The following SLC7A7 variants were observed in gnomAD, a reference collection of about 807,000 sequenced individuals.
SLC7A7 encodes the protein solute carrier family 7 member 7, also known as Y+L amino acid transporter 1.
Under a neutral mutation model 47.9 loss-of-function variants are expected in SLC7A7, and 39 were observed. The observed-to-expected ratio is 0.81, with a 90% CI of 0.63 to 1.06. The LOEUF (loss-of-function observed/expected upper bound fraction) is 1.06, where lower values mean the gene tolerates loss of function less well. Ranked by LOEUF, SLC7A7 falls within the 50% of genes least tolerant of loss-of-function variation. The probability of loss-of-function intolerance (pLI) is 0.00; values close to 1 mark genes in which losing one functional copy is unlikely to be tolerated. For missense variants in SLC7A7, 588 were observed against 632.0 expected, an observed-to-expected ratio of 0.93 and a Z score of 0.75; for synonymous variants, 234 against 242.8, an observed-to-expected ratio of 0.96 and a Z score of 0.34.
rs571065225 is a variant in SLC7A7 at position 22,792,922 on chromosome 14, T to G, written c.500-12871A>C. 6.7e-5 allele frequency among the ~76,000 whole-genome samples: 10 copies of G among 148,638 alleles called. No individual in the cohort carries two copies. In the South Asian group the frequency reaches 1.7e-3, roughly 25 times the overall value. On this transcript the variant is annotated intron_variant, in intron 2 of 9. Coordinates refer to ENST00000674313, the MANE Select transcript of SLC7A7 (RefSeq NM_003982.4). ...AAGGAAAAGAAAAGAAAAATATCTTTTTTTTTTTTTTAAAGACAGAGTCTC... is the reference window on the plus strand; with the variant it reads ...AAGGAAAAGAAAAGAAAAATATCTTGTTTTTTTTTTTAAAGACAGAGTCTC...
chr14:22,776,274 A>G lies in SLC7A7; in HGVS notation c.815T>C (p.Ile272Thr), dbSNP rs887657073. Reference protein sequence around the residue: ...SIGISMPIVTIIYILTNVAYY... With the variant: ...SIGISMPIVTTIYILTNVAYY... ...GGCCACATTGGTCAAGATATAGATG[A>G]TGGTGACAATGGGCATGGAGATGCC... The change falls in exon 5 of 10, where the codon ATC (isoleucine) becomes ACC (threonine). Residue 272 changes from isoleucine to threonine, a missense_variant. Ile to Thr is a moderately conservative substitution (Grantham distance 89). Transcript: ENST00000674313. The G allele has an allele frequency of 1.9e-6, 3 of 1,614,224 alleles. No homozygotes were observed. The highest frequency in any genetic ancestry group is 1.7e-5 in the Admixed American group (1 of 60,028).
At chr14:22,811,452 T>C (rs936484621) in intron 2 of SLC7A7, among the ~76,000 whole-genome samples, 10 of 152,172 alleles carry the variant, frequency 6.6e-5, no homozygotes, top group Non-Finnish European at 1.5e-4. Flanking sequence ...AGAATCATCA[T>C]CTCAGCACCT....
chr14:22,779,454 C>T (rs1023438764), intron 3 of SLC7A7, among the ~76,000 whole-genome samples: 3 of 136,324 alleles, frequency 2.2e-5, no homozygotes, highest in Non-Finnish European at 3.2e-5. Context: ...ATATTTAATT[C>T]TTTTTTTTTT....
At chr14:22,808,219 C>G (rs567219791) in intron 2 of SLC7A7, among the ~76,000 whole-genome samples, 6 of 151,650 alleles carry the variant, frequency 4.0e-5, no homozygotes, top group South Asian at 2.1e-4. Flanking sequence ...TATCAGTGTA[C>G]AAATTATATT....
chr14:22,785,589 G>T (rs183430984), intron 2 of SLC7A7, among the ~76,000 whole-genome samples: 25 of 152,124 alleles, frequency 1.6e-4, no homozygotes, highest in Admixed American at 3.9e-4. Flanking sequence ...TTGGCCAGGC[G>T]TGGTGGCACA....
chr14:22,792,136 G>A (rs1048161876), intron 2 of SLC7A7, among the ~76,000 whole-genome samples: 2 of 151,886 alleles, frequency 1.3e-5, no homozygotes, highest in Non-Finnish European at 2.9e-5. Flanking sequence ...CGCCCGGCCT[G>A]GAAACTCTCT....
At chr14:22,818,750 C>T (rs576731543), upstream of SLC7A7, among the ~76,000 whole-genome samples, 26 of 151,950 alleles carry the variant, frequency 1.7e-4, no homozygotes, top group African/African-American at 4.1e-4. Flanking sequence ...CCCGCCACCG[C>T]GCCCAGCTAA....
At chr14:22,814,248 C>G (rs528061078) in intron 1 of SLC7A7, among the ~76,000 whole-genome samples, 1 of 151,762 alleles carries the variant, frequency 6.6e-6, no homozygotes, top group South Asian at 2.1e-4. Flanking sequence ...CTTTGGGAGG[C>G]CAAGGCGGGC....
intron 2 of SLC7A7, among the ~76,000 whole-genome samples, chr14:22,809,005 T>C (rs2138648683): frequency 6.6e-6 from 1 of 152,350 alleles, no homozygotes; most frequent in South Asian, 2.1e-4. Flanking sequence ...CACATAGCTA[T>C]TGAGCCCAAC....
At chr14:22,780,200 G>C (rs1594949817) in intron 2 of SLC7A7, 149 bp from the exon 3 acceptor site, 1 of 639,378 alleles carries the variant, frequency 1.6e-6, no homozygotes, top group Non-Finnish European at 2.2e-6. Flanking sequence ...TGGAACCCTC[G>C]GGGCCCCAGA....
At chr14:22,797,325 C>T (rs1036838469) in intron 2 of SLC7A7, among the ~76,000 whole-genome samples, 1 of 152,176 alleles carries the variant, frequency 6.6e-6, no homozygotes, top group Non-Finnish European at 1.5e-5. Context: ...CATCTGCACA[C>T]CTCTCTGTTT....
chr14:22,794,094 G>A (rs1019869281), intron 2 of SLC7A7, among the ~76,000 whole-genome samples: 1 of 152,180 alleles, frequency 6.6e-6, no homozygotes, highest in Non-Finnish European at 1.5e-5. Context: ...GACCCACCAA[G>A]TTATCCTTAA....
At chr14:22,779,771 C>T (rs895390658) in intron 3 of SLC7A7, among the ~76,000 whole-genome samples, 155 bp downstream of exon 3, 10 of 152,032 alleles carry the variant, frequency 6.6e-5, no homozygotes, top group African/African-American at 2.4e-4. Flanking sequence ...CTTAATTCTG[C>T]AGGCTGTTTC....
At chr14:22,811,647 C>T (rs996786911) in intron 2 of SLC7A7, among the ~76,000 whole-genome samples, 3 of 152,008 alleles carry the variant, frequency 2.0e-5, no homozygotes, top group Non-Finnish European at 2.9e-5. Context: ...CTCAGGAGTT[C>T]GAGTCCAGCC....
At chr14:22,788,018 A>G (rs2038850566) in intron 2 of SLC7A7, among the ~76,000 whole-genome samples, 1 of 151,952 alleles carries the variant, frequency 6.6e-6, no homozygotes, top group Non-Finnish European at 1.5e-5. Flanking sequence ...GGTTGCAGTG[A>G]GCCGAGATCG....
At chr14:22,785,850 A>G (rs1295161605) in intron 2 of SLC7A7, among the ~76,000 whole-genome samples, 4 of 151,706 alleles carry the variant, frequency 2.6e-5, no homozygotes, top group Non-Finnish European at 4.4e-5. Flanking sequence ...GTGAAACCCC[A>G]TCTCTACTAA....
chr14:22,791,107 C>G (rs1455611389), intron 2 of SLC7A7, among the ~76,000 whole-genome samples: 1 of 152,038 alleles, frequency 6.6e-6, no homozygotes, highest in African/African-American at 2.4e-5. Flanking sequence ...TCTCCAAATG[C>G]GTTACTGAGC....
chr14:22,785,798 G>A (rs565149172), intron 2 of SLC7A7, among the ~76,000 whole-genome samples: 4 of 151,614 alleles, frequency 2.6e-5, no homozygotes, highest in South Asian at 2.1e-4. Flanking sequence ...TGAGGCAGGC[G>A]GATCATGAGG....
At chr14:22,810,900 C>T (rs1026853520) in intron 2 of SLC7A7, among the ~76,000 whole-genome samples, 1 of 152,152 alleles carries the variant, frequency 6.6e-6, no homozygotes, top group African/African-American at 2.4e-5. Context: ...ATCACTTGAA[C>T]CCGGGAGGCA....
Sources: gnomAD v4.1 joint callset for allele counts (sites outside exome capture counted in the v4.1 genomes callset) on GRCh38, gnomAD v4.1.1 for gene constraint, MANE v1.5 for transcripts, NCBI Gene and HGNC (gene_info 2026-07-23, HGNC 2026-07-21) for gene names.